Variants in CPNE5 observed in about 807,000 individuals in gnomAD.
The protein encoded by CPNE5 is copine-5.
CPNE5 carries 42 observed loss-of-function variants against 81.1 expected under a neutral mutation model. The observed-to-expected ratio is 0.52, with a 90% CI of 0.40 to 0.67. The LOEUF (loss-of-function observed/expected upper bound fraction) is 0.67. Among genes scored for constraint, CPNE5 ranks in the 30% least tolerant of loss-of-function variants. The pLI is 0.00. For missense variants in CPNE5, 612 were observed against 815.5 expected (o/e 0.75, Z 3.04); for synonymous variants, 313 against 321.5 (o/e 0.97, Z 0.28).
At chr6:36,828,613 G>A (rs1772724994) in intron 1 of CPNE5, among the ~76,000 whole-genome samples, 1 of 152,174 alleles carries the variant, frequency 6.6e-6, no homozygotes, top group Non-Finnish European at 1.5e-5. Context: ...TGGAGGTCAT[G>A]GGCCCCCAAT....
chr6:36,798,578 C>A, intron 4 of CPNE5, 84 bp from the exon 5 acceptor site: 1 of 1,255,068 alleles, frequency 8.0e-7, no homozygotes, highest in East Asian at 2.3e-5. Context: ...AGTCAGGGCC[C>A]CTGTCCCCCA....
At position 36,757,353 on chromosome 6, in the gene CPNE5, C is replaced by T. The variant is rs77107871; in HGVS notation, c.856-1055G>A. On this transcript the variant is annotated intron_variant, in intron 12 of 20. Transcript: ENST00000244751. ...TCCCTGTCTTTGTTCCCACAGAGGC[C>T]GTCAGCTGATCTTTACCGTGGTCTC... 1.6e-3 allele frequency: 1,565 copies of T among 985,390 alleles called. 11 individuals carry two copies. The African/African-American group carries it at 0.023, about 15-fold the overall frequency. 61.0% of individuals were successfully genotyped at this position (985,390 alleles called of 1,614,324 possible). A position where few individuals can be genotyped will look rare whatever the true frequency, so the allele number is the denominator to read the frequency against.
In CPNE5 at chr6:36,756,231, G is replaced by C; in HGVS notation, c.909+14C>G. On this transcript the variant is annotated intron_variant, in intron 13 of 20. Coordinates refer to ENST00000244751, the MANE Select transcript of CPNE5 (RefSeq NM_020939.2). ...TGTCTACACCCGGCTGCAGAGACCG[G>C]GGTGGCTACTCACTGTGCCAGAATT... 1 of 1,612,342 alleles carries C rather than the reference G, an allele frequency of 6.2e-7. No individual in the cohort carries two copies. The highest frequency in any genetic ancestry group is 8.5e-7 in the Non-Finnish European group (1 of 1,178,778).
At chr6:36,826,607 G>A (rs182030837) in intron 1 of CPNE5, among the ~76,000 whole-genome samples, 1 of 152,216 alleles carries the variant, frequency 6.6e-6, no homozygotes, top group Non-Finnish European at 1.5e-5. Context: ...CACACTGGCT[G>A]TGCATGCCTC....
At chr6:36,806,357 G>T (rs886657484) in intron 3 of CPNE5, among the ~76,000 whole-genome samples, 4 of 152,136 alleles carry the variant, frequency 2.6e-5, no homozygotes, top group African/African-American at 9.7e-5. Context: ...AGAGGTTGGG[G>T]TATTTCTTCC....
chr6:36,744,896 G>A (rs1408322445), intron 18 of CPNE5, 152 bp downstream of exon 18: 3 of 642,782 alleles, frequency 4.7e-6, no homozygotes, highest in Non-Finnish European at 8.5e-6. Flanking sequence ...GAGGGCAGTG[G>A]GGCCCAGTGA....
At chr6:36,809,488 G>A (rs1582970287) in intron 3 of CPNE5, among the ~76,000 whole-genome samples, 1 of 151,870 alleles carries the variant, frequency 6.6e-6, no homozygotes, top group South Asian at 2.1e-4. Context: ...AGGCAGAAGG[G>A]TCAATTGAGC....
chr6:36,807,688 C>T (rs1331114107), intron 3 of CPNE5, among the ~76,000 whole-genome samples: 1 of 152,208 alleles, frequency 6.6e-6, no homozygotes, highest in Non-Finnish European at 1.5e-5. Context: ...AGCCCTAGCT[C>T]TCAGTGGTTG....
chr6:36,798,333 G>A, intron 5 of CPNE5, 92 bp from the exon 6 acceptor site: 5 of 1,503,922 alleles, frequency 3.3e-6, no homozygotes, highest in East Asian at 2.3e-5. Flanking sequence ...GAAGCGTGAG[G>A]GCCCTTAAAT....
At chr6:36,784,213 C>T (rs1388063694) in intron 8 of CPNE5, among the ~76,000 whole-genome samples, 1 of 152,220 alleles carries the variant, frequency 6.6e-6, no homozygotes, top group Non-Finnish European at 1.5e-5. Flanking sequence ...ATCTGCCCTC[C>T]CTAATACAAT....
intron 3 of CPNE5, among the ~76,000 whole-genome samples, chr6:36,802,412 C>T (rs895906616): frequency 1.3e-5 from 2 of 151,878 alleles, no homozygotes; most frequent in African/African-American, 2.4e-5. Context: ...GCTATGATCA[C>T]ACCACTGCAC....
At chr6:36,800,105 GGGCTGGTGGGGCC>G (rs1192388686) in intron 3 of CPNE5, 35 bp from the exon 4 acceptor site, 21 of 1,507,108 alleles carry the variant, frequency 1.4e-5, no homozygotes, top group East Asian at 2.3e-5. Flanking sequence ...CCTCAGGGCC[GGGCTGGTGGGGCC>G]GGCTGGTGGG....
intron 14 of CPNE5, among the ~76,000 whole-genome samples, chr6:36,748,540 T>G (rs1455393809): frequency 6.6e-6 from 1 of 152,150 alleles, no homozygotes; most frequent in East Asian, 1.9e-4. Flanking sequence ...TATGGTCACT[T>G]ATTTCCTCCA....
At chr6:36,784,710 A>G (rs114327383) in intron 8 of CPNE5, among the ~76,000 whole-genome samples, 2,417 of 152,190 alleles carry the variant, frequency 0.016, 64 homozygotes, top group African/African-American at 0.056. Flanking sequence ...GGGAGGCCGA[A>G]GTAGGAGGAT....
At chr6:36,809,121 C>T (rs236392) in intron 3 of CPNE5, among the ~76,000 whole-genome samples, 46,745 of 151,960 alleles carry the variant, frequency 0.31, 8,023 homozygotes, top group African/African-American at 0.44. Flanking sequence ...GGTGGACCCA[C>T]AGATCAGGTC....
rs768939114 is a variant in CPNE5, at chr6:36,778,911, T to A, written c.575A>T (p.Asp192Val). 7.5e-6 allele frequency: 12 copies of A among 1,606,524 alleles called. No individual in the cohort carries two copies. The highest frequency in any genetic ancestry group is 8.5e-6 in the Non-Finnish European group (10 of 1,173,620). The change falls in exon 9 of 21, where the codon GAT (aspartate) becomes GTT (valine). Residue 192 changes from aspartate to valine, a missense_variant. By Grantham distance (152) the Asp-to-Val change is radical. Coordinates refer to ENST00000244751, the MANE Select transcript of CPNE5 (RefSeq NM_020939.2). ...GAAGGGGTCAGATTTCCCAAAGAAA[T>A]CTTTCTTGTCCAGCTTGTTGGCACA... is the stretch of plus-strand genomic sequence containing the variant. ...QFCANKLDKKDFFGKSDPFLV... is the reference protein window; with the variant it reads ...QFCANKLDKKVFFGKSDPFLV...
chr6:36,757,405 A>G (rs914255624), intron 12 of CPNE5: 2 of 980,080 alleles, frequency 2.0e-6, no homozygotes, highest in Non-Finnish European at 2.4e-6. Context: ...ATTGCTATCT[A>G]CTTCCAGCAA....
In CPNE5 at chr6:36,741,615, G is replaced by A. The variant is rs1489785987; in HGVS notation, c.*653C>T. 6.6e-6 allele frequency: 1 copy of A among 152,204 alleles called. No homozygotes were observed. Among genetic ancestry groups the A allele is most frequent in the African/African-American group, 2.4e-5 (1 of 41,436 alleles). 9.4% of individuals were successfully genotyped at this position (152,204 alleles called of 1,614,324 possible). ...CAGGCCATCTGTGTGTCTAGAACTT[G>A]CATCGTACTGAGTTCGAGAGGCACC... is the stretch of plus-strand genomic sequence containing the variant. On this transcript the variant is annotated 3_prime_UTR_variant, in exon 21 of 21. Coordinates refer to ENST00000244751, the MANE Select transcript of CPNE5 (RefSeq NM_020939.2).
In CPNE5 at chr6:36,746,979, T is replaced by C. The variant is rs905303350; in HGVS notation, c.1019-402A>G. On this transcript the variant is annotated intron_variant, in intron 15 of 20. Transcript: ENST00000244751. The surrounding 1 kb of genome is among the most constrained non-coding windows in gnomAD (Gnocchi z 4.5). ...AGTCCTCACAAGAGCCCGCAAGCAC[T>C]CATGATCTGGCCTCCAGGTCATCTC... Among the ~76,000 whole-genome samples, 1 of 151,038 alleles carries C rather than the reference T, an allele frequency of 6.6e-6. No homozygotes were observed. Among genetic ancestry groups the C allele is most frequent in the Non-Finnish European group, 1.5e-5 (1 of 67,840 alleles).
Sources: gnomAD v4.1 joint callset for allele counts (sites outside exome capture counted in the v4.1 genomes callset) on GRCh38, gnomAD v4.1.1 for gene constraint, Gnocchi (gnomAD v3.1) non-coding constraint, MANE v1.5 for transcripts, NCBI Gene and HGNC (gene_info 2026-07-23, HGNC 2026-07-21) for gene names.